GFI1B: variants seen among roughly 807,000 people sequenced by gnomAD.
GFI1B encodes the protein growth factor independent 1B transcriptional repressor.
In GFI1B, 20 loss-of-function variants were observed where a neutral mutation model predicts 35.3. The observed-to-expected ratio is 0.57, with a 90% confidence interval of 0.40 to 0.82. GFI1B has a LOEUF of 0.82. Among genes scored for constraint, GFI1B ranks in the 40% least tolerant of loss-of-function variants. The probability of loss-of-function intolerance (pLI) is 0.00; values close to 1 mark genes in which losing one functional copy is unlikely to be tolerated. For missense variants in GFI1B, 430 were observed against 446.3 expected (o/e 0.96, Z 0.33); for synonymous variants, 178 against 177.6 (o/e 1.00, Z -0.02).
intron 1 of GFI1B, among the ~76,000 whole-genome samples, chr9:132,967,466 A>G (rs1309414397): frequency 6.6e-6 from 1 of 152,236 alleles, no homozygotes; most frequent in African/African-American, 2.4e-5. Context: ...CTCTTCCATC[A>G]TAAAGGAAGC....
At chr9:132,971,965 C>T (rs886364261) in intron 1 of GFI1B, among the ~76,000 whole-genome samples, 4 of 112,212 alleles carry the variant, frequency 3.6e-5, no homozygotes, top group African/African-American at 1.4e-4. Context: ...CAAAGCAAGA[C>T]TCTGTCTAAA....
At chr9:132,955,790 ATGTGTG>A (rs907980157) in intron 1 of GFI1B, among the ~76,000 whole-genome samples, 1 of 141,658 alleles carries the variant, frequency 7.1e-6, no homozygotes, top group African/African-American at 2.6e-5. Context: ...AACCAACGTG[ATGTGTG>A]TGTGTGTGTG....
At chr9:132,977,909 G>A (rs1365905862), upstream of GFI1B, among the ~76,000 whole-genome samples, 1 of 152,188 alleles carries the variant, frequency 6.6e-6, no homozygotes, top group Non-Finnish European at 1.5e-5. Context: ...CCTGGCCTCC[G>A]AACTCACTGC....
intron 1 of GFI1B, among the ~76,000 whole-genome samples, chr9:132,979,459 G>A (rs1848741751): frequency 6.6e-6 from 1 of 151,850 alleles, no homozygotes; most frequent in African/African-American, 2.4e-5. Flanking sequence ...GGCTGGTCTC[G>A]AACTCTTGAC....
At chr9:132,962,571 T>C (rs1848383901) in intron 1 of GFI1B, 1 of 508,270 alleles carries the variant, frequency 2.0e-6, no homozygotes. Context: ...AAAGCAAAAA[T>C]CATCCCATTT....
At chr9:132,961,912 C>T (rs990709214) in intron 1 of GFI1B, among the ~76,000 whole-genome samples, 4 of 151,930 alleles carry the variant, frequency 2.6e-5, no homozygotes, top group African/African-American at 9.7e-5. Flanking sequence ...AATTTGACAA[C>T]CCACCTTGCT....
At chr9:132,983,865 C>T (rs1247738870) in intron 1 of GFI1B, among the ~76,000 whole-genome samples, 2 of 152,238 alleles carry the variant, frequency 1.3e-5, no homozygotes, top group Non-Finnish European at 2.9e-5. Context: ...AGCATGGAGG[C>T]CTGGGGCCAG....
intron 1 of GFI1B, among the ~76,000 whole-genome samples, chr9:132,955,791 T>C (rs560100029): frequency 7.2e-6 from 1 of 139,608 alleles, no homozygotes; most frequent in East Asian, 2.1e-4. Flanking sequence ...ACCAACGTGA[T>C]GTGTGTGTGT....
At chr9:132,957,508 T>C (rs1848299349) in intron 1 of GFI1B, among the ~76,000 whole-genome samples, 3 of 152,206 alleles carry the variant, frequency 2.0e-5, no homozygotes, top group Admixed American at 1.3e-4. Flanking sequence ...ATTTCTTTGC[T>C]GGGCATGGGG....
intron 1 of GFI1B, among the ~76,000 whole-genome samples, chr9:132,983,241 T>C (rs1848896470): frequency 7.1e-6 from 1 of 140,462 alleles, no homozygotes; most frequent in South Asian, 2.4e-4. Context: ...TCACCCAGGC[T>C]GAAGTGCAGT....
chr9:132,986,792 C>T lies in GFI1B; in HGVS notation c.100+14C>T, dbSNP rs1184255359. On this transcript the variant is annotated intron_variant, in intron 2 of 6. Transcript: ENST00000372122. ...CCCTTACCCCGGGTGAGTCAGAGCCCGGGCTGGCGCCTGCTGCACCCACGG... is the reference window on the plus strand; with the variant it reads ...CCCTTACCCCGGGTGAGTCAGAGCCTGGGCTGGCGCCTGCTGCACCCACGG... 27 of 1,555,936 alleles carry T rather than the reference C, an allele frequency of 1.7e-5. No individual in the cohort carries two copies. Among genetic ancestry groups the T allele is most frequent in the Middle Eastern group, 1.8e-4 (1 of 5,682 alleles).
chr9:132,983,190 C>CT (rs66711864), intron 1 of GFI1B, among the ~76,000 whole-genome samples: 22,771 of 98,600 alleles, frequency 0.23, 3,555 homozygotes, highest in South Asian at 0.29. Context: ...TTTCTCCCTC[C>CT]TTTTTTTTTT....
chr9:132,945,754 G>A (rs1490459019), intron 1 of GFI1B: 1 of 153,420 alleles, frequency 6.5e-6, no homozygotes. Context: ...AAACCGCGAT[G>A]ACTTTTGCAT....
chr9:132,981,752 C>T lies in GFI1B; in HGVS notation c.-21+2911C>T, dbSNP rs541961014. ...CCTCCACGGACAAGTCTTGTTTTCC[C>T]CTTGAATCTTTTTTTTTTTTGACAG... On this transcript the variant is annotated intron_variant, in intron 1 of 6. Coordinates refer to ENST00000372122, the MANE Select transcript of GFI1B (RefSeq NM_001377304.1). Among the ~76,000 whole-genome samples, 9 of 151,800 alleles carry T rather than the reference C, an allele frequency of 5.9e-5. No individual in the cohort carries two copies. In the South Asian group the frequency reaches 1.9e-3, roughly 31 times the overall value.
chr9:132,993,294 C>T (rs190405012), downstream of GFI1B, among the ~76,000 whole-genome samples: 412 of 152,198 alleles, frequency 2.7e-3, no homozygotes, highest in South Asian at 0.014. Context: ...GACTCCATCT[C>T]GGAAACAAAC....
intron 1 of GFI1B, chr9:132,952,475 T>G (rs1030544253): frequency 1.3e-5 from 2 of 152,036 alleles, no homozygotes; most frequent in African/African-American, 4.8e-5. Context: ...CTGGTTAATT[T>G]TCAAATATTT....
At chr9:132,970,321 C>G (rs1299359957) in intron 1 of GFI1B, among the ~76,000 whole-genome samples, 1 of 152,050 alleles carries the variant, frequency 6.6e-6, no homozygotes, top group Non-Finnish European at 1.5e-5. Flanking sequence ...CTGAACCTGC[C>G]CAGACACCAG....
chr9:132,971,698 G>T lies in GFI1B; in HGVS notation c.-700-1027G>T, dbSNP rs140877405. On this transcript the variant is annotated intron_variant, in intron 1 of 10. Transcript: ENST00000339463. ...CTTCAAAAACGTTACTGTTGGCCGG[G>T]CATGGTGGCTCACGTCTGTAATCAC... Among the ~76,000 whole-genome samples the T allele has an allele frequency of 2.0e-5, 3 of 152,308 alleles. No homozygotes were observed. The East Asian group carries it at 5.8e-4, about 29-fold the overall frequency.
In GFI1B at chr9:132,990,891, C is replaced by T. The variant is rs1457287356; in HGVS notation, c.834C>T (p.Cys278=). The change falls in exon 7 of 7, where the codon TGC becomes TGT. Residue 278 remains cysteine, a synonymous_variant. Transcript: ENST00000372122. ...YIHTGEKPHK[C]QVCGKAFSQS... is the part of the protein sequence containing the mutation. ...CTGCAGGTGAGAAGCCGCACAAGTG[C>T]CAGGTGTGCGGAAAGGCCTTCAGCC... 1 of 1,614,222 alleles carries T rather than the reference C, an allele frequency of 6.2e-7. No individual in the cohort carries two copies.
Sources: gnomAD v4.1 joint callset for allele counts (sites outside exome capture counted in the v4.1 genomes callset) on GRCh38, gnomAD v4.1.1 for gene constraint, MANE v1.5 for transcripts, NCBI Gene and HGNC (gene_info 2026-07-23, HGNC 2026-07-21) for gene names.